Variants in GNAQ observed in about 807,000 individuals in gnomAD.
GNAQ encodes G protein subunit alpha q, also known as guanine nucleotide-binding protein G(q) subunit alpha.
In GNAQ, 8 loss-of-function variants were observed where a neutral mutation model predicts 43.9. The observed-to-expected ratio is 0.18, with a 90% confidence interval of 0.11 to 0.33. The LOEUF (loss-of-function observed/expected upper bound fraction) is 0.33, where lower values mean the gene tolerates loss of function less well. Ranked by LOEUF, GNAQ falls within the 10% of genes least tolerant of loss-of-function variation. The probability of loss-of-function intolerance (pLI) is 1.00; values close to 1 mark genes in which losing one functional copy is unlikely to be tolerated. For missense variants in GNAQ, 158 were observed against 450.8 expected, an observed-to-expected ratio of 0.35 and a Z score of 5.88; for synonymous variants, 155 against 170.7, an observed-to-expected ratio of 0.91 and a Z score of 0.71.
At chr9:77,836,128 G>A (rs1827380279) in intron 2 of GNAQ, among the ~76,000 whole-genome samples, 1 of 152,036 alleles carries the variant, frequency 6.6e-6, no homozygotes, top group Admixed American at 6.5e-5. Flanking sequence ...TGAAGACATG[G>A]ACTGGATGGA....
intron 1 of GNAQ, among the ~76,000 whole-genome samples, chr9:77,926,229 T>C (rs1275004925): frequency 3.9e-5 from 6 of 152,206 alleles, no homozygotes; most frequent in African/African-American, 2.4e-5. Context: ...CCTATTTTTA[T>C]AGAATTATAC....
intron 5 of GNAQ, among the ~76,000 whole-genome samples, chr9:77,766,064 G>A (rs573030935): frequency 3.3e-5 from 5 of 152,190 alleles, no homozygotes; most frequent in Non-Finnish European, 7.3e-5. Context: ...GGTGGTTGTG[G>A]GGGATGGACA....
chr9:77,736,446 T>G (rs1034735238), intron 5 of GNAQ, among the ~76,000 whole-genome samples: 4 of 152,202 alleles, frequency 2.6e-5, no homozygotes, highest in Admixed American at 1.3e-4. Flanking sequence ...GATAATTTTC[T>G]TAGTCTAGGC....
chr9:77,756,147 G>C (rs774795222), intron 5 of GNAQ, among the ~76,000 whole-genome samples: 13 of 152,190 alleles, frequency 8.5e-5, no homozygotes, highest in Non-Finnish European at 1.9e-4. Context: ...TTGGAACTCG[G>C]ACTGGCTTCC....
At chr9:77,979,120 C>G (rs1464337735) in intron 1 of GNAQ, among the ~76,000 whole-genome samples, 10 of 152,056 alleles carry the variant, frequency 6.6e-5, no homozygotes, top group African/African-American at 2.2e-4. Context: ...CTTTGGGAGG[C>G]CGAGGTGGGC....
chr9:77,963,090 T>C (rs962925674), intron 1 of GNAQ, among the ~76,000 whole-genome samples: 4 of 151,976 alleles, frequency 2.6e-5, no homozygotes, highest in African/African-American at 4.8e-5. Flanking sequence ...TCTGCTAAAA[T>C]TGAAGTAAGA....
intron 2 of GNAQ, among the ~76,000 whole-genome samples, chr9:77,830,769 A>C (rs1268080163): frequency 6.6e-6 from 1 of 152,162 alleles, no homozygotes; most frequent in Non-Finnish European, 1.5e-5. Flanking sequence ...GCATTTTGAA[A>C]ATGGATATTT....
intron 1 of GNAQ, among the ~76,000 whole-genome samples, chr9:77,954,085 C>T (rs1043709060): frequency 1.3e-5 from 2 of 152,140 alleles, no homozygotes; most frequent in African/African-American, 2.4e-5. Flanking sequence ...GTTTCATTTC[C>T]TTATCATCTG....
intron 5 of GNAQ, among the ~76,000 whole-genome samples, chr9:77,789,206 A>C (rs1826528949): frequency 6.6e-6 from 1 of 152,220 alleles, no homozygotes; most frequent in Non-Finnish European, 1.5e-5. Flanking sequence ...TGGGCATGGA[A>C]TATATGGCTA....
chr9:77,811,348 GAT>G (rs1826920725), intron 3 of GNAQ, among the ~76,000 whole-genome samples: 1 of 150,346 alleles, frequency 6.7e-6, no homozygotes, highest in Non-Finnish European at 1.5e-5. Flanking sequence ...TATATATAAA[GAT>G]ATAAAAATAT....
intron 1 of GNAQ, among the ~76,000 whole-genome samples, chr9:78,023,284 A>G (rs1466231850): frequency 6.6e-6 from 1 of 152,204 alleles, no homozygotes; most frequent in African/African-American, 2.4e-5. Flanking sequence ...CTTCCTTTGA[A>G]TGTATTAAAG....
At chr9:77,982,381 G>C (rs1344220233) in intron 1 of GNAQ, among the ~76,000 whole-genome samples, 1 of 152,096 alleles carries the variant, frequency 6.6e-6, no homozygotes, top group African/African-American at 2.4e-5. Flanking sequence ...TCTTACTTAA[G>C]AATGGCAAGT....
intron 1 of GNAQ, among the ~76,000 whole-genome samples, chr9:77,977,094 T>A (rs1823312389): frequency 6.6e-6 from 1 of 152,148 alleles, no homozygotes; most frequent in Admixed American, 6.5e-5. Flanking sequence ...TCCTTTATCT[T>A]GAAAAATGGG....
chr9:78,030,907 G>GTGTGTC lies in GNAQ; in HGVS notation c.136+192_136+193insGACACA, dbSNP rs1554736250. Among the ~76,000 whole-genome samples the GTGTGTC allele has an allele frequency of 3.1e-3, 463 of 151,554 alleles. 1 individual carries two copies. Among genetic ancestry groups the GTGTGTC allele is most frequent in the African/African-American group, 0.011 (451 of 41,364 alleles). On this transcript the variant is annotated intron_variant, in intron 1 of 6. Transcript: ENST00000286548. ...TGTCGCTGTGTGTGTGTGTGTGTGT[G>GTGTGTC]TGTGTGTGTGTGTCTGTGTGTAACG...
At chr9:78,021,121 C>T (rs1305367419) in intron 1 of GNAQ, among the ~76,000 whole-genome samples, 1 of 144,138 alleles carries the variant, frequency 6.9e-6, no homozygotes, top group Admixed American at 7.2e-5. Flanking sequence ...ACGATCACAA[C>T]TCACTGCAGC....
At chr9:77,928,536 T>C (rs1046695839) in intron 1 of GNAQ, among the ~76,000 whole-genome samples, 1 of 152,204 alleles carries the variant, frequency 6.6e-6, no homozygotes, top group Admixed American at 6.5e-5. Context: ...TAGAAGGTCA[T>C]GTCAGTCCTG....
intron 2 of GNAQ, among the ~76,000 whole-genome samples, chr9:77,898,809 T>C (rs573887648): frequency 6.6e-6 from 1 of 152,346 alleles, no homozygotes; most frequent in South Asian, 2.1e-4. Context: ...TAGTATTTTT[T>C]ACAACATATA....
At chr9:77,800,083 A>G (rs1163465665) in intron 3 of GNAQ, among the ~76,000 whole-genome samples, 2 of 152,202 alleles carry the variant, frequency 1.3e-5, no homozygotes, top group East Asian at 3.8e-4. Flanking sequence ...CCAGCTCATC[A>G]CATCATAAAT....
intron 1 of GNAQ, among the ~76,000 whole-genome samples, chr9:77,925,147 T>C (rs1443617380): frequency 3.9e-5 from 6 of 152,022 alleles, no homozygotes; most frequent in African/African-American, 1.4e-4. Context: ...GCACCAGCTC[T>C]TACAAGTTAC....
Sources: allele counts gnomAD v4.1 joint callset (sites outside exome capture counted in the v4.1 genomes callset), GRCh38; gene constraint gnomAD v4.1.1; transcripts MANE v1.5; gene names NCBI Gene and HGNC (gene_info 2026-07-23, HGNC 2026-07-21).